ERBB4: variants seen among roughly 807,000 people sequenced by gnomAD.
The protein encoded by ERBB4 is erb-b2 receptor tyrosine kinase 4, also known as receptor tyrosine-protein kinase erbB-4.
A neutral mutation model predicts 158.0 loss-of-function variants in ERBB4; 42 were observed. The observed-to-expected ratio is 0.27, with a 90% confidence interval of 0.21 to 0.34. The LOEUF (loss-of-function observed/expected upper bound fraction) is 0.34, where lower values mean the gene tolerates loss of function less well. Among genes scored for constraint, ERBB4 ranks in the 10% least tolerant of loss-of-function variants. The pLI, the probability that ERBB4 is intolerant of heterozygous loss-of-function variation, is 1.00. For missense variants in ERBB4, 1,333 were observed against 1,624.1 expected, an observed-to-expected ratio of 0.82 and a Z score of 3.08; for synonymous variants, 583 against 558.7, an observed-to-expected ratio of 1.04 and a Z score of -0.61.
chr2:211,586,511 G>A lies in ERBB4; in HGVS notation c.2302-24423C>T, dbSNP rs147444015. 2.0e-5 allele frequency among the ~76,000 whole-genome samples: 3 copies of A among 152,274 alleles called. No homozygotes were observed. The East Asian group carries it at 5.8e-4, about 29-fold the overall frequency. On this transcript the variant is annotated intron_variant, in intron 19 of 27. Coordinates refer to ENST00000342788, the MANE Select transcript of ERBB4 (RefSeq NM_005235.3). ...TTGTTTTCGGTTCCTGCCATATCTT[G>A]TAGTGGGAAACCCTTTTCTTTTCTT... is the stretch of plus-strand genomic sequence containing the variant.
At chr2:211,440,200 A>T (rs552533296) in intron 20 of ERBB4, among the ~76,000 whole-genome samples, 1 of 152,306 alleles carries the variant, frequency 6.6e-6, no homozygotes, top group Admixed American at 6.5e-5. Flanking sequence ...ATCTCTTGCC[A>T]ATATGGTTAC....
At chr2:212,255,831 T>A (rs997058063) in intron 1 of ERBB4, among the ~76,000 whole-genome samples, 3 of 151,994 alleles carry the variant, frequency 2.0e-5, no homozygotes, top group Non-Finnish European at 2.9e-5. Flanking sequence ...TTTGTGTCAT[T>A]TTTTTAAGGG....
At chr2:212,530,768 G>A (rs577863886) in intron 1 of ERBB4, among the ~76,000 whole-genome samples, 2 of 152,292 alleles carry the variant, frequency 1.3e-5, no homozygotes, top group East Asian at 3.9e-4. Context: ...TATACTAGAA[G>A]CACATGGGAC....
chr2:212,133,396 G>GTTTTTTTTTTTTT (rs575131971), intron 1 of ERBB4, among the ~76,000 whole-genome samples: 2 of 137,138 alleles, frequency 1.5e-5, no homozygotes, highest in African/African-American at 5.9e-5. Context: ...TCATTTTGGT[G>GTTTTTTTTTTTTT]TTTTTTTTTT....
chr2:212,408,906 G>A (rs1040640556), intron 1 of ERBB4, among the ~76,000 whole-genome samples: 1 of 152,146 alleles, frequency 6.6e-6, no homozygotes, highest in Non-Finnish European at 1.5e-5. Context: ...CAAGTGATCA[G>A]CAGCAGCAAT....
chr2:211,381,917 C>T lies in ERBB4; in HGVS notation c.*1698G>A, dbSNP rs1006141759. On this transcript the variant is annotated 3_prime_UTR_variant, in exon 28 of 28. Coordinates refer to ENST00000342788, the MANE Select transcript of ERBB4 (RefSeq NM_005235.3). ...AGTTTCCTAATTATTGATGTGAGGC[C>T]CCCTTTACTTGGAGACTCATCTCTG... is the stretch of plus-strand genomic sequence containing the variant. 2 of 229,310 alleles carry T rather than the reference C, an allele frequency of 8.7e-6. No individual in the cohort carries two copies. Among genetic ancestry groups the T allele is most frequent in the African/African-American group, 4.4e-5 (2 of 45,064 alleles). The allele number at this position is 229,310 out of a possible 1,614,324, so 14.2% of individuals were successfully genotyped here.
intron 2 of ERBB4, among the ~76,000 whole-genome samples, chr2:212,022,175 T>C (rs1421377239): frequency 1.3e-5 from 2 of 152,120 alleles, no homozygotes; most frequent in African/African-American, 2.4e-5. Context: ...AGCAATTCCA[T>C]TACTGGGAAT....
At chr2:212,323,721 C>T (rs1461118081) in intron 1 of ERBB4, among the ~76,000 whole-genome samples, 2 of 150,598 alleles carry the variant, frequency 1.3e-5, no homozygotes, top group African/African-American at 4.8e-5. Context: ...GTCAGTTATA[C>T]TTTTTAGAAT....
intron 2 of ERBB4, among the ~76,000 whole-genome samples, chr2:211,984,154 C>A (rs371424785): frequency 6.6e-6 from 1 of 152,078 alleles, no homozygotes; most frequent in Non-Finnish European, 1.5e-5. Flanking sequence ...ACGGATGGTG[C>A]CTTCTTGCCA....
intron 2 of ERBB4, among the ~76,000 whole-genome samples, chr2:212,028,129 A>T (rs2076817232): frequency 6.6e-6 from 1 of 151,782 alleles, no homozygotes; most frequent in African/African-American, 2.4e-5. Context: ...AATGCCCCTG[A>T]TTTTTTTTCA....
At chr2:211,475,789 A>G (rs1287475294) in intron 20 of ERBB4, among the ~76,000 whole-genome samples, 1 of 152,126 alleles carries the variant, frequency 6.6e-6, no homozygotes, top group Admixed American at 6.6e-5. Context: ...AAATAACTAT[A>G]GGATTAAGTG....
At chr2:211,973,559 T>C (rs1463137409) in intron 2 of ERBB4, among the ~76,000 whole-genome samples, 1 of 152,114 alleles carries the variant, frequency 6.6e-6, no homozygotes, top group Non-Finnish European at 1.5e-5. Flanking sequence ...ATAATGGCTA[T>C]TATTAAAAAG....
At chr2:212,079,305 T>C (rs1444739954) in intron 2 of ERBB4, among the ~76,000 whole-genome samples, 1 of 152,010 alleles carries the variant, frequency 6.6e-6, no homozygotes, top group Non-Finnish European at 1.5e-5. Context: ...TTAATCGCTC[T>C]ATTTTTTAAA....
chr2:211,773,633 T>TATATATATATATATATA (rs2075788941), intron 4 of ERBB4, among the ~76,000 whole-genome samples: 6 of 102,840 alleles, frequency 5.8e-5, no homozygotes, highest in African/African-American at 1.4e-4. Context: ...TATATATATA[T>TATATATATATATATATA]ATATATATAT....
chr2:212,391,924 A>G (rs2106439676), intron 1 of ERBB4, among the ~76,000 whole-genome samples: 1 of 151,076 alleles, frequency 6.6e-6, no homozygotes, highest in East Asian at 1.9e-4. Context: ...GACAAAATAA[A>G]TAAAATAAGC....
intron 18 of ERBB4, among the ~76,000 whole-genome samples, chr2:211,623,256 A>C (rs760377619): frequency 6.6e-6 from 1 of 151,556 alleles, no homozygotes; most frequent in Non-Finnish European, 1.5e-5. Flanking sequence ...TTCCAGAAAT[A>C]TCTCTTATTG....
At chr2:212,280,356 G>C (rs1378642664) in intron 1 of ERBB4, among the ~76,000 whole-genome samples, 1 of 151,528 alleles carries the variant, frequency 6.6e-6, no homozygotes, top group Non-Finnish European at 1.5e-5. Context: ...CTGGGCATCT[G>C]ATCTCCCCAC....
At chr2:212,410,266 G>GTTAGAA (rs10685543) in intron 1 of ERBB4, among the ~76,000 whole-genome samples, 74,525 of 150,998 alleles carry the variant, frequency 0.49, 18,964 homozygotes, top group African/African-American at 0.53. Flanking sequence ...GTTAGTGTGA[G>GTTAGAA]TTAGAGAGTA....
chr2:211,434,427 C>A (rs1429124346), intron 20 of ERBB4, among the ~76,000 whole-genome samples: 1 of 152,086 alleles, frequency 6.6e-6, no homozygotes, highest in Admixed American at 6.6e-5. Context: ...CTTCTTCAGG[C>A]ATGTGAGGTT....
Sources: gnomAD v4.1 joint callset for allele counts (sites outside exome capture counted in the v4.1 genomes callset) on GRCh38, gnomAD v4.1.1 for gene constraint, MANE v1.5 for transcripts, NCBI Gene and HGNC (gene_info 2026-07-23, HGNC 2026-07-21) for gene names.